Variants in RIDA observed in about 807,000 individuals in gnomAD.
RIDA encodes 2-iminobutanoate/2-iminopropanoate deaminase.
RIDA carries 17 observed loss-of-function variants against 17.8 expected under a neutral mutation model. That is an observed-to-expected ratio of 0.96 (90% CI 0.65 to 1.43). The LOEUF (loss-of-function observed/expected upper bound fraction) is 1.43, where lower values mean the gene tolerates loss of function less well. Among genes scored for constraint, RIDA ranks in the 40% most tolerant of loss-of-function variants. The pLI is 0.00. For synonymous variants in RIDA, 48 were observed against 55.7 expected, an observed-to-expected ratio of 0.86 and a Z score of 0.62; for missense variants, 158 against 161.7, an observed-to-expected ratio of 0.98 and a Z score of 0.12.
chr8:98,103,885 G>A (rs937000683), intron 5 of RIDA, among the ~76,000 whole-genome samples: 17 of 151,906 alleles, frequency 1.1e-4, no homozygotes, highest in African/African-American at 2.7e-4. Flanking sequence ...TGATCCGCCC[G>A]CCTCGGCCTC....
chr8:98,115,869 T>C (rs1815810640), intron 1 of RIDA, among the ~76,000 whole-genome samples: 1 of 152,222 alleles, frequency 6.6e-6, no homozygotes, highest in African/African-American at 2.4e-5. Flanking sequence ...ATTAACTTGT[T>C]AAATAAAATG....
intron 1 of RIDA, 107 bp from the exon 2 acceptor site, chr8:98,108,858 A>AC (rs901024531): frequency 6.9e-5 from 46 of 662,780 alleles, no homozygotes; most frequent in Non-Finnish European, 9.9e-5. Flanking sequence ...AAAAAAAAAA[A>AC]AACAGATACA....
At chr8:98,106,450 A>C in intron 2 of RIDA, 124 bp from the exon 3 acceptor site, 2 of 754,424 alleles carry the variant, frequency 2.7e-6, no homozygotes, top group Non-Finnish European at 4.6e-6. Context: ...AATCCTCCCT[A>C]CTCGCTTACA....
At chr8:98,108,473 C>G (rs1350572900) in intron 2 of RIDA, among the ~76,000 whole-genome samples, 173 bp downstream of exon 2, 1 of 151,774 alleles carries the variant, frequency 6.6e-6, no homozygotes, top group Non-Finnish European at 1.5e-5. Context: ...GATTCATGAT[C>G]CATCAAATTT....
At chr8:98,106,044 T>G in intron 3 of RIDA, 38 bp from the exon 4 acceptor site, 1 of 1,418,918 alleles carries the variant, frequency 7.0e-7, no homozygotes, top group Non-Finnish European at 1.0e-6. Context: ...TTTAGTTATT[T>G]GGTCTGACCC....
chr8:98,107,734 A>C (rs1483583939), intron 2 of RIDA, among the ~76,000 whole-genome samples: 1 of 150,718 alleles, frequency 6.6e-6, no homozygotes, highest in East Asian at 2.0e-4. Flanking sequence ...AGTAACTGGG[A>C]CTACAGGCAT....
chr8:98,108,767 A>T lies in RIDA; in HGVS notation c.66-16T>A, dbSNP rs571725981. The stretch of plus-strand genomic sequence containing the variant: ...TACAGCTTGACTGCAATAAACAGAA[A>T]GCTAGTGTATTTATGTAAGTATAAA... On this transcript the variant is annotated splice_polypyrimidine_tract_variant and intron_variant, in intron 1 of 5. Coordinates refer to ENST00000254878, the MANE Select transcript of RIDA (RefSeq NM_005836.3). 14 of 1,496,812 alleles carry T rather than the reference A, an allele frequency of 9.4e-6. No homozygotes were observed. The highest frequency in any genetic ancestry group is 1.2e-5 in the Non-Finnish European group (13 of 1,073,236). 92.7% of individuals were successfully genotyped at this position (1,496,812 alleles called of 1,614,324 possible).
chr8:98,115,901 T>C (rs1048748407), intron 1 of RIDA, among the ~76,000 whole-genome samples: 15 of 152,120 alleles, frequency 9.9e-5, no homozygotes, highest in African/African-American at 3.4e-4. Flanking sequence ...CTCAAAGAAA[T>C]AGGTTAAGTA....
intron 1 of RIDA, 63 bp downstream of exon 1, chr8:98,116,969 C>A: frequency 7.1e-7 from 1 of 1,402,036 alleles, no homozygotes; most frequent in Non-Finnish European, 1.0e-6. Context: ...CGGAGTGGCC[C>A]CAACCCCGAA....
At chr8:98,106,133 GA>G (rs1335130736) in intron 3 of RIDA, 127 bp from the exon 4 acceptor site, 2 of 1,052,356 alleles carry the variant, frequency 1.9e-6, no homozygotes, top group Non-Finnish European at 2.9e-6. Context: ...CCAAAGAAGT[GA>G]AGTAGAACAG....
At chr8:98,107,708 C>T (rs939168510) in intron 2 of RIDA, among the ~76,000 whole-genome samples, 5 of 151,990 alleles carry the variant, frequency 3.3e-5, no homozygotes, top group Non-Finnish European at 5.9e-5. Context: ...AGCGATTCTT[C>T]TGCATCAGCC....
chr8:98,104,440 A>C (rs1340951231), intron 5 of RIDA, 49 bp downstream of exon 5: 5 of 1,142,224 alleles, frequency 4.4e-6, no homozygotes, highest in Admixed American at 3.6e-5. Flanking sequence ...GAAGGAAAAC[A>C]ATGTAGAAAC....
intron 2 of RIDA, among the ~76,000 whole-genome samples, chr8:98,107,660 C>T (rs562363741): frequency 3.5e-4 from 54 of 152,242 alleles, no homozygotes; most frequent in African/African-American, 1.2e-3. Context: ...TGCAGTGGCA[C>T]GATCTTGGCT....
At chr8:98,105,503 G>A (rs1366985337) in intron 4 of RIDA, among the ~76,000 whole-genome samples, 1 of 152,126 alleles carries the variant, frequency 6.6e-6, no homozygotes, top group Non-Finnish European at 1.5e-5. Context: ...AACCCTATAA[G>A]TTAGGAGTAT....
At chr8:98,105,121 A>C (rs1220340844) in intron 4 of RIDA, among the ~76,000 whole-genome samples, 2 of 8,090 alleles carry the variant, frequency 2.5e-4, no homozygotes, top group East Asian at 2.2e-3. Context: ...GCTTTCTGGC[A>C]AAAAAAAAAA....
chr8:98,104,982 A>T (rs1815612647), intron 4 of RIDA, among the ~76,000 whole-genome samples: 1 of 152,114 alleles, frequency 6.6e-6, no homozygotes, highest in South Asian at 2.1e-4. Flanking sequence ...AAGTGCTGGG[A>T]TTATAGGTGT....
At chr8:98,106,356 C>T (rs1174768269) in intron 2 of RIDA, 30 bp from the exon 3 acceptor site, 1 of 1,577,990 alleles carries the variant, frequency 6.3e-7, no homozygotes, top group South Asian at 1.1e-5. Flanking sequence ...AGGCCTAAGT[C>T]ACTGATGTTA....
At chr8:98,116,519 G>T (rs1815828886) in intron 1 of RIDA, among the ~76,000 whole-genome samples, 1 of 152,154 alleles carries the variant, frequency 6.6e-6, no homozygotes, top group Admixed American at 6.5e-5. Flanking sequence ...CCATGAAGAT[G>T]CAAGTAGATT....
At chr8:98,108,867 C>T (rs1396328426) in intron 1 of RIDA, 116 bp from the exon 2 acceptor site, 2 of 609,654 alleles carry the variant, frequency 3.3e-6, no homozygotes, top group Non-Finnish European at 5.8e-6. Flanking sequence ...AAAACAGATA[C>T]ATTGGACTTC....
Sources: gnomAD v4.1 joint callset for allele counts (sites outside exome capture counted in the v4.1 genomes callset) on GRCh38, gnomAD v4.1.1 for gene constraint, MANE v1.5 for transcripts, NCBI Gene and HGNC (gene_info 2026-07-23, HGNC 2026-07-21) for gene names.